DCC: variants seen among roughly 807,000 people sequenced by gnomAD.
DCC encodes DCC netrin 1 receptor.
In DCC, 58 loss-of-function variants were observed where a neutral mutation model predicts 172.5. The observed-to-expected ratio is 0.34, with a 90% confidence interval of 0.27 to 0.42. DCC has a LOEUF of 0.42. Ranked by LOEUF, DCC falls within the 10% of genes least tolerant of loss-of-function variation. DCC has a pLI of 1.00. For missense variants in DCC, 1,740 were observed against 1,791.0 expected (o/e 0.97, Z 0.51); for synonymous variants, 709 against 644.5 (o/e 1.10, Z -1.52).
intron 1 of DCC, among the ~76,000 whole-genome samples, chr18:52,426,671 C>T (rs1987439119): frequency 1.3e-5 from 2 of 151,934 alleles, no homozygotes; most frequent in African/African-American, 4.8e-5. Context: ...GTTTGATCTG[C>T]TTTAGTTAGT....
chr18:52,778,267 C>T (rs1390758265), intron 2 of DCC, among the ~76,000 whole-genome samples: 1 of 152,060 alleles, frequency 6.6e-6, no homozygotes, highest in African/African-American at 2.4e-5. Context: ...TTTAAATGTG[C>T]ACTAATACAT....
chr18:53,072,939 T>C (rs1392511316), intron 7 of DCC, among the ~76,000 whole-genome samples: 1 of 152,214 alleles, frequency 6.6e-6, no homozygotes, highest in Non-Finnish European at 1.5e-5. Context: ...TGGATAGTAC[T>C]ATCTATGCCA....
chr18:52,645,982 C>T (rs1485814068), intron 1 of DCC, among the ~76,000 whole-genome samples: 2 of 151,778 alleles, frequency 1.3e-5, no homozygotes, highest in African/African-American at 2.4e-5. Context: ...TTGCAAGCTA[C>T]AAAGGAAAAA....
intron 9 of DCC, among the ~76,000 whole-genome samples, chr18:53,183,994 A>T (rs2055240038): frequency 8.2e-6 from 1 of 121,450 alleles, no homozygotes; most frequent in Non-Finnish European, 1.8e-5. Flanking sequence ...CTTGCCTGGC[A>T]TCTCATTTAA....
rs531640951 is a variant in DCC at position 53,196,546 on chromosome 18, G to C, written c.1574-8670G>C. ...GGTTGAATTACAAGAAATCTGCTTTGAAGATTATTTTCTTCACAGGGAGTC... is the reference window on the plus strand; with the variant it reads ...GGTTGAATTACAAGAAATCTGCTTTCAAGATTATTTTCTTCACAGGGAGTC... On this transcript the variant is annotated intron_variant, in intron 9 of 28. Coordinates refer to ENST00000442544, the MANE Select transcript of DCC (RefSeq NM_005215.4). Among the ~76,000 whole-genome samples, 53 of 152,146 alleles carry C rather than the reference G, an allele frequency of 3.5e-4. 1 individual carries two copies. The highest frequency in any genetic ancestry group is 6.8e-3 in the Middle Eastern group (2 of 294).
chr18:52,459,898 T>TATAC lies in DCC; in HGVS notation c.91+119021_91+119022insTACA, dbSNP rs1298755882. Among the ~76,000 whole-genome samples, 139 of 149,348 alleles carry TATAC rather than the reference T, an allele frequency of 9.3e-4. 1 individual carries two copies. Among genetic ancestry groups the TATAC allele is most frequent in the Non-Finnish European group, 1.0e-3 (69 of 66,814 alleles). ...CATAGTATTCATATATATATATATA[T>TATAC]ACACACATATATATACACACATATA... On this transcript the variant is annotated intron_variant, in intron 1 of 28. Coordinates refer to ENST00000442544, the MANE Select transcript of DCC (RefSeq NM_005215.4).
intron 28 of DCC, among the ~76,000 whole-genome samples, chr18:53,528,501 C>A (rs1468759181): frequency 6.6e-6 from 1 of 151,868 alleles, no homozygotes; most frequent in African/African-American, 2.4e-5. Flanking sequence ...GTCAGGTAGG[C>A]CTATTTTTAC....
At chr18:53,439,052 G>C (rs1170614562) in intron 22 of DCC, among the ~76,000 whole-genome samples, 1 of 152,186 alleles carries the variant, frequency 6.6e-6, no homozygotes, top group Non-Finnish European at 1.5e-5. Flanking sequence ...TTCCCTACTG[G>C]AATAACAAAT....
chr18:52,647,012 T>C (rs2035031970), intron 1 of DCC, among the ~76,000 whole-genome samples: 1 of 152,174 alleles, frequency 6.6e-6, no homozygotes, highest in African/African-American at 2.4e-5. Context: ...CAAAAGACAG[T>C]CCTTTCACTC....
intron 1 of DCC, among the ~76,000 whole-genome samples, chr18:52,416,079 T>C (rs1274109000): frequency 6.6e-6 from 1 of 152,196 alleles, no homozygotes; most frequent in Non-Finnish European, 1.5e-5. Flanking sequence ...TGTGTCTTTG[T>C]TCTCGTTGGT....
intron 1 of DCC, among the ~76,000 whole-genome samples, chr18:52,451,690 A>ATG (rs3086357): frequency 0.019 from 2,815 of 150,212 alleles, 70 homozygotes; most frequent in East Asian, 0.073. Context: ...GTGTGTATGT[A>ATG]TGTGTGTGTG....
intron 1 of DCC, among the ~76,000 whole-genome samples, chr18:52,628,457 C>A (rs967462052): frequency 6.6e-6 from 1 of 152,230 alleles, no homozygotes; most frequent in Non-Finnish European, 1.5e-5. Flanking sequence ...ATAAACTTGG[C>A]AGCTGGCTGC....
At chr18:53,223,502 C>T (rs550790827) in intron 12 of DCC, among the ~76,000 whole-genome samples, 1 of 152,158 alleles carries the variant, frequency 6.6e-6, no homozygotes, top group Non-Finnish European at 1.5e-5. Flanking sequence ...TCAAGTCATA[C>T]ATTTTTGAAA....
intron 19 of DCC, among the ~76,000 whole-genome samples, chr18:53,406,357 AC>A (rs1909646584): frequency 6.6e-6 from 1 of 151,764 alleles, no homozygotes. Context: ...TCCCTTTGTT[AC>A]TTTCTCTGGA....
chr18:52,849,296 T>C (rs921207890), intron 2 of DCC, among the ~76,000 whole-genome samples: 16 of 152,168 alleles, frequency 1.1e-4, no homozygotes, highest in Non-Finnish European at 1.6e-4. Flanking sequence ...CTCAGTTAAT[T>C]ATGTGTTGTT....
chr18:52,354,393 G>C (rs753256473), intron 1 of DCC, among the ~76,000 whole-genome samples: 1 of 152,162 alleles, frequency 6.6e-6, no homozygotes, highest in Non-Finnish European at 1.5e-5. Context: ...TGTTCTAATC[G>C]TCCAGAAAAG....
chr18:52,493,405 C>T (rs1180501343), intron 1 of DCC, among the ~76,000 whole-genome samples: 2 of 151,922 alleles, frequency 1.3e-5, no homozygotes, highest in African/African-American at 4.8e-5. Context: ...CCCAAAGAAA[C>T]AATTGAATTC....
chr18:53,050,305 C>T (rs148962678), intron 5 of DCC, among the ~76,000 whole-genome samples: 256 of 152,172 alleles, frequency 1.7e-3, no homozygotes, highest in African/African-American at 5.9e-3. Flanking sequence ...CCAGATACAC[C>T]CGGAAACAAT....
chr18:52,897,010 G>A (rs1304874396), intron 2 of DCC, among the ~76,000 whole-genome samples: 3 of 152,168 alleles, frequency 2.0e-5, no homozygotes, highest in African/African-American at 7.2e-5. Flanking sequence ...TGATTCCGGA[G>A]AATCCTGAAT....
Sources: allele counts gnomAD v4.1 joint callset (sites outside exome capture counted in the v4.1 genomes callset), GRCh38; gene constraint gnomAD v4.1.1; transcripts MANE v1.5; gene names NCBI Gene and HGNC (gene_info 2026-07-23, HGNC 2026-07-21).